The following ADCY9 variants were observed in gnomAD, a reference collection of about 807,000 sequenced individuals.
ADCY9 encodes adenylate cyclase 9, also known as adenylate cyclase type 9.
In ADCY9, 50 loss-of-function variants were observed where a neutral mutation model predicts 101.5. That is an observed-to-expected ratio of 0.49 (90% CI 0.39 to 0.62). The LOEUF (loss-of-function observed/expected upper bound fraction) is 0.62. Among genes scored for constraint, ADCY9 ranks in the 20% least tolerant of loss-of-function variants. The pLI is 0.00. For synonymous variants in ADCY9, 905 were observed against 769.3 expected (o/e 1.18, Z -2.92); for missense variants, 1,662 against 1,800.4 (o/e 0.92, Z 1.39).
Position 4,061,136 on chromosome 16 carries a change from T to A in ADCY9, c.1693+52614A>T, listed in dbSNP as rs546555140. On this transcript the variant is annotated intron_variant, in intron 2 of 10. Coordinates refer to ENST00000294016, the MANE Select transcript of ADCY9 (RefSeq NM_001116.4). ...AGAGTTGACATGGGAGAAGAAAGAATCAGTGAACTTAAAATTATCCAATCT... is the reference window on the plus strand; with the variant it reads ...AGAGTTGACATGGGAGAAGAAAGAAACAGTGAACTTAAAATTATCCAATCT... 2.6e-5 allele frequency among the ~76,000 whole-genome samples: 4 copies of A among 151,644 alleles called. No individual in the cohort carries two copies. The East Asian group carries it at 7.8e-4, about 29-fold the overall frequency.
At chr16:4,109,115 A>G (rs899797137) in intron 2 of ADCY9, among the ~76,000 whole-genome samples, 1 of 151,964 alleles carries the variant, frequency 6.6e-6, no homozygotes, top group Non-Finnish European at 1.5e-5. Flanking sequence ...CGTACACCCC[A>G]TCTGCTGTAT....
chr16:4,087,543 T>TAAA (rs55706713), intron 2 of ADCY9, among the ~76,000 whole-genome samples: 18 of 118,186 alleles, frequency 1.5e-4, no homozygotes, highest in African/African-American at 2.6e-4. Flanking sequence ...CTCAAAAAGA[T>TAAA]AAAAAAAAAA....
At chr16:4,092,738 A>G (rs1222425662) in intron 2 of ADCY9, among the ~76,000 whole-genome samples, 1 of 152,182 alleles carries the variant, frequency 6.6e-6, no homozygotes. Flanking sequence ...TACTCAGACT[A>G]TAGCTGACAA....
chr16:3,992,134 C>A lies in ADCY9; in HGVS notation c.2207+12G>T. On this transcript the variant is annotated intron_variant, in intron 5 of 10. Coordinates refer to ENST00000294016, the MANE Select transcript of ADCY9 (RefSeq NM_001116.4). The surrounding 1 kb of genome is among the most constrained non-coding windows in gnomAD (Gnocchi z 4.2). ...GCAACCTTTGCTTTTTCCCAGACAG[C>A]CCCAGTCGTACCTGTCTTCTTTGAT... 1.2e-6 allele frequency: 2 copies of A among 1,613,006 alleles called. No homozygotes were observed. The highest frequency in any genetic ancestry group is 1.7e-6 in the Non-Finnish European group (2 of 1,179,092).
chr16:4,023,467 G>A (rs2056492141), intron 2 of ADCY9, among the ~76,000 whole-genome samples: 1 of 150,694 alleles, frequency 6.6e-6, no homozygotes, highest in South Asian at 2.1e-4. Context: ...GTCTGGGGAA[G>A]GCACGAGGGA....
chr16:4,105,780 G>A (rs116187920), intron 2 of ADCY9, among the ~76,000 whole-genome samples: 2,019 of 151,968 alleles, frequency 0.013, 50 homozygotes, highest in African/African-American at 0.046. Context: ...GCAGGAGGTC[G>A]AGGCTGCAGT....
Position 3,983,437 on chromosome 16 carries a change from T to C in ADCY9, c.2314A>G (p.Ile772Val), listed in dbSNP as rs768361177. The change falls in exon 7 of 11, where the codon ATA (isoleucine) becomes GTA (valine). Residue 772 changes from isoleucine to valine, a missense_variant. Coordinates refer to ENST00000294016, the MANE Select transcript of ADCY9 (RefSeq NM_001116.4). ...AACGTCTTCACGGGGGAGTTCTTTATGACCTGTGTGGAGCAGGAGTGGAGC... is the reference window on the plus strand; with the variant it reads ...AACGTCTTCACGGGGGAGTTCTTTACGACCTGTGTGGAGCAGGAGTGGAGC... ...SYRTSYQEEVIKNSPVKTFAS... is the reference protein window; with the variant it reads ...SYRTSYQEEVVKNSPVKTFAS... The C allele has an allele frequency of 1.9e-6, 3 of 1,598,946 alleles. No individual in the cohort carries two copies. Among genetic ancestry groups the C allele is most frequent in the Non-Finnish European group, 1.7e-6 (2 of 1,172,288 alleles).
Position 3,969,490 on chromosome 16 carries a change from C to T in ADCY9, c.2871-2524G>A, listed in dbSNP as rs368025543. On this transcript the variant is annotated intron_variant, in intron 10 of 10. Coordinates refer to ENST00000294016, the MANE Select transcript of ADCY9 (RefSeq NM_001116.4). ...CTGACCTAAAGTGATCTGCCCGCCT[C>T]GACCTCCCAAAGTGCTGGGATTACA... is the stretch of plus-strand genomic sequence containing the variant. Among the ~76,000 whole-genome samples, 19 of 143,334 alleles carry T rather than the reference C, an allele frequency of 1.3e-4. 2 individuals are homozygous for T. The South Asian group carries it at 3.7e-3, about 28-fold the overall frequency. 94.0% of individuals were successfully genotyped at this position (143,334 alleles called of 152,430 possible). A position where few individuals can be genotyped will look rare whatever the true frequency, so the allele number is the denominator to read the frequency against.
chr16:4,025,278 C>G (rs79235878), intron 2 of ADCY9, among the ~76,000 whole-genome samples: 1 of 151,024 alleles, frequency 6.6e-6, no homozygotes, highest in Non-Finnish European at 1.5e-5. Flanking sequence ...GAGGCTGAGG[C>G]AGGAGAATTG....
At chr16:3,973,281 C>T (rs564747620) in intron 10 of ADCY9, among the ~76,000 whole-genome samples, 9 of 152,188 alleles carry the variant, frequency 5.9e-5, no homozygotes, top group Admixed American at 2.0e-4. Flanking sequence ...GATCTTGGCT[C>T]ACTGCAACCT....
At chr16:4,003,957 G>A (rs1029784455) in intron 3 of ADCY9, among the ~76,000 whole-genome samples, 1 of 151,860 alleles carries the variant, frequency 6.6e-6, no homozygotes, top group Non-Finnish European at 1.5e-5. Context: ...CTCACTGCTG[G>A]TCATTTCAAG....
intron 2 of ADCY9, among the ~76,000 whole-genome samples, chr16:4,053,056 G>C (rs1239495711): frequency 6.6e-6 from 1 of 152,176 alleles, no homozygotes; most frequent in African/African-American, 2.4e-5. Context: ...GCGTGGCATA[G>C]TTTTAAGATG....
chr16:4,051,800 ATCACCAT>A, intron 2 of ADCY9, among the ~76,000 whole-genome samples: 1 of 152,210 alleles, frequency 6.6e-6, no homozygotes, highest in Non-Finnish European at 1.5e-5. Context: ...AACTAGAAAC[ATCACCAT>A]TTGGCAATGC....
At position 4,065,839 on chromosome 16, in the gene ADCY9, G is replaced by A. The variant is rs1597204468; in HGVS notation, c.1693+47911C>T. Reference sequence around the variant, plus strand: ...CCGCCTCGGCCTCCCAAAGTCCTGGGATTACAGGCGCCCACTGCCACACCC... The same window carrying A: ...CCGCCTCGGCCTCCCAAAGTCCTGGAATTACAGGCGCCCACTGCCACACCC... On this transcript the variant is annotated intron_variant, in intron 2 of 10. Coordinates refer to ENST00000294016, the MANE Select transcript of ADCY9 (RefSeq NM_001116.4). Among the ~76,000 whole-genome samples the A allele has an allele frequency of 3.9e-5, 6 of 152,312 alleles. No homozygotes were observed. In the East Asian group the frequency reaches 7.7e-4, roughly 20 times the overall value.
chr16:4,029,352 T>C (rs2056539039), intron 2 of ADCY9, among the ~76,000 whole-genome samples: 1 of 152,236 alleles, frequency 6.6e-6, no homozygotes, highest in East Asian at 1.9e-4. Context: ...TCTACAAAAA[T>C]GGCAATTTCG....
At chr16:4,022,184 C>G (rs958227858) in intron 2 of ADCY9, among the ~76,000 whole-genome samples, 1 of 152,118 alleles carries the variant, frequency 6.6e-6, no homozygotes, top group Non-Finnish European at 1.5e-5. Context: ...GAGAAACAGC[C>G]TGAGGACAGG....
chr16:4,113,031 T>G (rs1022407319), intron 2 of ADCY9, among the ~76,000 whole-genome samples: 1 of 152,110 alleles, frequency 6.6e-6, no homozygotes, highest in Admixed American at 6.5e-5. Context: ...ATACCAGCTC[T>G]CCGGCAGGTA....
intron 2 of ADCY9, among the ~76,000 whole-genome samples, chr16:4,068,776 C>T (rs143870722): frequency 3.5e-4 from 52 of 149,864 alleles, no homozygotes; most frequent in African/African-American, 1.3e-3. Context: ...AAGATCGAGC[C>T]ACTGCACTCC....
chr16:4,024,901 G>A (rs1213948873), intron 2 of ADCY9, among the ~76,000 whole-genome samples: 17 of 152,146 alleles, frequency 1.1e-4, no homozygotes. Context: ...GGGACAAGGA[G>A]GTGGCCATAC....
Sources: allele counts gnomAD v4.1 joint callset (sites outside exome capture counted in the v4.1 genomes callset), GRCh38; gene constraint gnomAD v4.1.1; non-coding constraint Gnocchi (gnomAD v3.1); transcripts MANE v1.5; gene names NCBI Gene and HGNC (gene_info 2026-07-23, HGNC 2026-07-21).